The following HCN1 variants were observed in gnomAD, a reference collection of about 807,000 sequenced individuals.
HCN1 encodes potassium/sodium hyperpolarization-activated cyclic nucleotide-gated channel 1.
A neutral mutation model predicts 78.9 loss-of-function variants in HCN1; 13 were observed. That is an observed-to-expected ratio of 0.16 (90% CI 0.11 to 0.26). HCN1 has a LOEUF of 0.26. Ranked by LOEUF, HCN1 falls within the 10% of genes least tolerant of loss-of-function variation. HCN1 has a pLI of 1.00. For synonymous variants in HCN1, 552 were observed against 455.5 expected, an observed-to-expected ratio of 1.21 and a Z score of -2.70; for missense variants, 810 against 1,154.3, an observed-to-expected ratio of 0.70 and a Z score of 4.32.
intron 2 of HCN1, among the ~76,000 whole-genome samples, chr5:45,521,246 C>T (rs957223752): frequency 6.6e-6 from 1 of 151,866 alleles, no homozygotes; most frequent in Non-Finnish European, 1.5e-5. Flanking sequence ...CCCTTGCAAC[C>T]TTCTCTTCTT....
At chr5:45,597,821 C>T (rs1295453880) in intron 2 of HCN1, among the ~76,000 whole-genome samples, 2 of 152,128 alleles carry the variant, frequency 1.3e-5, no homozygotes, top group Non-Finnish European at 2.9e-5. Context: ...ACAACTGCTA[C>T]AAAGAGAATA....
At chr5:45,550,195 C>T (rs915357846) in intron 2 of HCN1, among the ~76,000 whole-genome samples, 1 of 152,118 alleles carries the variant, frequency 6.6e-6, no homozygotes, top group Non-Finnish European at 1.5e-5. Flanking sequence ...GACACATGCA[C>T]ACGTATGTTT....
intron 4 of HCN1, among the ~76,000 whole-genome samples, chr5:45,385,450 TATA>T (rs1747891663): frequency 6.6e-6 from 1 of 152,100 alleles, no homozygotes; most frequent in Non-Finnish European, 1.5e-5. Flanking sequence ...AGTTGAAAGC[TATA>T]ATATTACTGC....
At chr5:45,406,772 T>C (rs1018815934) in intron 3 of HCN1, among the ~76,000 whole-genome samples, 1 of 152,192 alleles carries the variant, frequency 6.6e-6, no homozygotes, top group Non-Finnish European at 1.5e-5. Flanking sequence ...GCCTCTATTA[T>C]ACCTTAAGGA....
chr5:45,521,339 CA>C (rs1465448576), intron 2 of HCN1, among the ~76,000 whole-genome samples: 2 of 151,984 alleles, frequency 1.3e-5, no homozygotes, highest in Admixed American at 6.6e-5. Context: ...TATGGTACCA[CA>C]GACTAGATAG....
intron 1 of HCN1, among the ~76,000 whole-genome samples, chr5:45,665,233 G>A (rs1487248234): frequency 1.3e-5 from 2 of 149,468 alleles, no homozygotes; most frequent in African/African-American, 5.0e-5. Flanking sequence ...TCACTCATAG[G>A]TGGGAATTGA....
chr5:45,294,736 C>T (rs2111890410), intron 6 of HCN1, among the ~76,000 whole-genome samples: 1 of 152,010 alleles, frequency 6.6e-6, no homozygotes, highest in Non-Finnish European at 1.5e-5. Context: ...TCATATAAAA[C>T]ATATGAATAG....
At chr5:45,353,403 G>A (rs1035851746) in intron 4 of HCN1, among the ~76,000 whole-genome samples, 157 bp from the exon 5 acceptor site, 2 of 151,912 alleles carry the variant, frequency 1.3e-5, no homozygotes, top group African/African-American at 2.4e-5. Context: ...TGGGTCTAAT[G>A]TACCTATTTT....
At chr5:45,452,034 G>A (rs1353572384) in intron 3 of HCN1, among the ~76,000 whole-genome samples, 1 of 151,980 alleles carries the variant, frequency 6.6e-6, no homozygotes, top group Non-Finnish European at 1.5e-5. Flanking sequence ...ATATGCTCAA[G>A]AAAACGCTAC....
intron 4 of HCN1, among the ~76,000 whole-genome samples, chr5:45,379,123 T>C (rs1452109463): frequency 6.6e-6 from 1 of 152,124 alleles, no homozygotes; most frequent in East Asian, 1.9e-4. Flanking sequence ...TTATAATCCT[T>C]TGGGTATATA....
chr5:45,343,467 C>T (rs1346030872), intron 5 of HCN1, among the ~76,000 whole-genome samples: 2 of 152,140 alleles, frequency 1.3e-5, no homozygotes, highest in African/African-American at 4.8e-5. Flanking sequence ...GAAGCAAAGG[C>T]ATGAATGTAA....
At chr5:45,392,274 G>C (rs1429169083) in intron 4 of HCN1, among the ~76,000 whole-genome samples, 1 of 152,026 alleles carries the variant, frequency 6.6e-6, no homozygotes, top group African/African-American at 2.4e-5. Context: ...AATTAAAAAT[G>C]TATCTATGGA....
rs1258671286 is a variant in HCN1 at position 45,376,115 on chromosome 5, TATA to T, written c.1230+20374_1230+20376del. Reference sequence around the variant, plus strand: ...ATATATAATATAATGTTTTATAATATATAATATGTTATATAAAATATAATATAT... The same window carrying T: ...ATATATAATATAATGTTTTATAATATATATGTTATATAAAATATAATATAT... On this transcript the variant is annotated intron_variant, in intron 4 of 7. Coordinates refer to ENST00000303230, the MANE Select transcript of HCN1 (RefSeq NM_021072.4). 7.2e-4 allele frequency among the ~76,000 whole-genome samples: 79 copies of T among 110,142 alleles called. 1 individual carries two copies. The highest frequency in any genetic ancestry group is 1.1e-3 in the African/African-American group (30 of 26,650). The allele number at this position is 110,142 out of a possible 152,430, so 72.3% of individuals were successfully genotyped here.
intron 2 of HCN1, among the ~76,000 whole-genome samples, chr5:45,541,952 C>T (rs1024870336): frequency 2.6e-5 from 4 of 152,120 alleles, no homozygotes; most frequent in African/African-American, 4.8e-5. Flanking sequence ...CACATTATAA[C>T]GTAAACATAT....
At chr5:45,315,790 A>T (rs1038656815) in intron 5 of HCN1, among the ~76,000 whole-genome samples, 1 of 152,206 alleles carries the variant, frequency 6.6e-6, no homozygotes, top group Non-Finnish European at 1.5e-5. Flanking sequence ...AAACACCTCT[A>T]TGCAAATAAA....
At chr5:45,585,094 A>G (rs2111931416) in intron 2 of HCN1, among the ~76,000 whole-genome samples, 1 of 152,296 alleles carries the variant, frequency 6.6e-6, no homozygotes, top group African/African-American at 2.4e-5. Context: ...ATGTTGCGGA[A>G]GTTCTCCTGA....
intron 5 of HCN1, among the ~76,000 whole-genome samples, chr5:45,309,707 G>T (rs1177827618): frequency 6.6e-6 from 1 of 152,160 alleles, no homozygotes; most frequent in Non-Finnish European, 1.5e-5. Flanking sequence ...ACATCCAGGG[G>T]ATGAAGCCTA....
At chr5:45,319,793 G>A (rs1344883051) in intron 5 of HCN1, among the ~76,000 whole-genome samples, 1 of 151,126 alleles carries the variant, frequency 6.6e-6, no homozygotes, top group Non-Finnish European at 1.5e-5. Context: ...TCTGTATTTT[G>A]GAATTCTAAA....
chr5:45,695,298 G>A (rs1739984673), intron 1 of HCN1, among the ~76,000 whole-genome samples: 1 of 152,122 alleles, frequency 6.6e-6, no homozygotes, highest in Non-Finnish European at 1.5e-5. Context: ...GGAGCCGCGC[G>A]AGGAAGGGTG....
Sources: allele counts gnomAD v4.1 joint callset (sites outside exome capture counted in the v4.1 genomes callset), GRCh38; gene constraint gnomAD v4.1.1; transcripts MANE v1.5; gene names NCBI Gene and HGNC (gene_info 2026-07-23, HGNC 2026-07-21).